The following PLEKHG3 variants were observed in gnomAD, a reference collection of about 807,000 sequenced individuals.
PLEKHG3 encodes pleckstrin homology and RhoGEF domain containing G3.
In PLEKHG3, 62 loss-of-function variants were observed where a neutral mutation model predicts 94.9. That is an observed-to-expected ratio of 0.65 (90% CI 0.53 to 0.81). The LOEUF is 0.81. Ranked by LOEUF, PLEKHG3 falls within the 30% of genes least tolerant of loss-of-function variation. The pLI, the probability that PLEKHG3 is intolerant of heterozygous loss-of-function variation, is 0.00. For synonymous variants in PLEKHG3, 614 were observed against 654.0 expected (o/e 0.94, Z 0.93); for missense variants, 1,461 against 1,619.3 (o/e 0.90, Z 1.68).
At position 64,723,542 on chromosome 14, in the gene PLEKHG3, C is replaced by T. The variant is rs1207270314; in HGVS notation, c.-39-4051C>T. 1.3e-5 allele frequency among the ~76,000 whole-genome samples: 2 copies of T among 152,020 alleles called. No homozygotes were observed. The highest frequency in any genetic ancestry group is 4.8e-5 in the African/African-American group (2 of 41,366). On this transcript the variant is annotated intron_variant, in intron 1 of 16. Transcript: ENST00000247226. This position sits in a 1 kb window ranked among gnomAD's most constrained non-coding sequence, Gnocchi z 4.5. Reference sequence around the variant, plus strand: ...TTGAGATGGAGTCTCATGCTGTCACCCAGGCTGGAGTACAGTGGCGCGATC... The same window carrying T: ...TTGAGATGGAGTCTCATGCTGTCACTCAGGCTGGAGTACAGTGGCGCGATC...
chr14:64,748,516 T>G lies in PLEKHG3; in HGVS notation c.*4813T>G, dbSNP rs949922581. 1 of 152,412 alleles carries G rather than the reference T, an allele frequency of 6.6e-6. No individual in the cohort carries two copies. The highest frequency in any genetic ancestry group is 2.4e-5 in the African/African-American group (1 of 41,462). 9.4% of individuals were successfully genotyped at this position (152,412 alleles called of 1,614,324 possible). ...GTTTTCAATGAGGAATGGTCTGACCTTGCTGCCCTTCCTGGGACCGCCTGT... is the reference window on the plus strand; with the variant it reads ...GTTTTCAATGAGGAATGGTCTGACCGTGCTGCCCTTCCTGGGACCGCCTGT... On this transcript the variant is annotated 3_prime_UTR_variant, in exon 17 of 17. Transcript: ENST00000247226.
In PLEKHG3 at chr14:64,747,702, G is replaced by A. The variant is rs1040384585; in HGVS notation, c.*3999G>A. The A allele has an allele frequency of 4.6e-5, 7 of 152,216 alleles. No individual in the cohort carries two copies. Among genetic ancestry groups the A allele is most frequent in the African/African-American group, 1.7e-4 (7 of 41,422 alleles). The allele number at this position is 152,216 out of a possible 1,614,324, so 9.4% of individuals were successfully genotyped here. On this transcript the variant is annotated 3_prime_UTR_variant, in exon 17 of 17. Coordinates refer to ENST00000247226, the MANE Select transcript of PLEKHG3 (RefSeq NM_001308147.2). ...TGAACCTCACCCACTTCATCTCCAT[G>A]GAACTAAGGTCCTTCTCACGGGGAA...
rs181833288 is a variant in PLEKHG3, at chr14:64,720,082, T to C, written c.-39-7511T>C. Reference sequence around the variant, plus strand: ...AACAAGAGCAATTTATAATAAACAATACTTGCCCCCATTTGGCTTTAGCAT... The same window carrying C: ...AACAAGAGCAATTTATAATAAACAACACTTGCCCCCATTTGGCTTTAGCAT... On this transcript the variant is annotated intron_variant, in intron 1 of 16. Transcript: ENST00000247226. This position sits in a 1 kb window ranked among gnomAD's most constrained non-coding sequence, Gnocchi z 4.1. Among the ~76,000 whole-genome samples the C allele has an allele frequency of 2.6e-5, 4 of 152,360 alleles. No homozygotes were observed. The East Asian group carries it at 7.7e-4, about 29-fold the overall frequency.
In PLEKHG3 at chr14:64,728,424, C is replaced by A. The variant is rs565300557; in HGVS notation, c.351+442C>A. Among the ~76,000 whole-genome samples the A allele has an allele frequency of 9.8e-5, 15 of 152,372 alleles. No individual in the cohort carries two copies. The highest frequency in any genetic ancestry group is 3.6e-4 in the African/African-American group (15 of 41,588). ...GTGTGGCTGCCACTGAGGAAGCCCT[C>A]TGCCCCACTGGCTCAGGGCGTGGAT... On this transcript the variant is annotated intron_variant, in intron 2 of 16. Transcript: ENST00000247226. The surrounding 1 kb of genome is among the most constrained non-coding windows in gnomAD (Gnocchi z 5.9).
chr14:64,708,249 C>A (rs1191445050), intron 1 of PLEKHG3, among the ~76,000 whole-genome samples: 3 of 152,310 alleles, frequency 2.0e-5, no homozygotes, highest in East Asian at 3.9e-4. Context: ...CCTGACCACC[C>A]CCCTCTTGCT....
In PLEKHG3 at chr14:64,749,324, G is replaced by A. The variant is rs1566729346; in HGVS notation, c.*5621G>A. The A allele has an allele frequency of 6.2e-7, 1 of 1,607,016 alleles. No individual in the cohort carries two copies. ...CCACCTGCTACTTCTTTTTGGGGAA[G>A]AAGCTGAATCTCTTCTCCTTGTCTT... On this transcript the variant is annotated 3_prime_UTR_variant, in exon 17 of 17. Transcript: ENST00000247226. This position sits in a 1 kb window ranked among gnomAD's most constrained non-coding sequence, Gnocchi z 4.7.
rs2081776623 is a variant in PLEKHG3 at position 64,744,003 on chromosome 14, A to G, written c.*300A>G. The G allele has an allele frequency of 8.1e-6, 2 of 246,490 alleles. No homozygotes were observed. Among genetic ancestry groups the G allele is most frequent in the Non-Finnish European group, 1.6e-5 (2 of 128,634 alleles). 15.3% of individuals were successfully genotyped at this position (246,490 alleles called of 1,614,324 possible). A position where few individuals can be genotyped will look rare whatever the true frequency, so the allele number is the denominator to read the frequency against. ...AAGCTCACTTCTTCCCAGAGAGAGG[A>G]AGCTCTGCTCAGGCCTCCAGCGTTG... On this transcript the variant is annotated 3_prime_UTR_variant, in exon 17 of 17. Coordinates refer to ENST00000247226, the MANE Select transcript of PLEKHG3 (RefSeq NM_001308147.2).
In PLEKHG3 at chr14:64,726,046, G is replaced by A. The variant is rs2139377320; in HGVS notation, c.-39-1547G>A. Among the ~76,000 whole-genome samples, 1 of 152,272 alleles carries A rather than the reference G, an allele frequency of 6.6e-6. No homozygotes were observed. The highest frequency in any genetic ancestry group is 6.5e-5 in the Admixed American group (1 of 15,298). The stretch of plus-strand genomic sequence containing the variant: ...CACAGAAAGAGTTCCCCAGGTTTGG[G>A]GGATATTGGAAGGTTCCTGGAGGGG... On this transcript the variant is annotated intron_variant, in intron 1 of 16. Transcript: ENST00000247226. The surrounding 1 kb of genome is among the most constrained non-coding windows in gnomAD (Gnocchi z 5.1).
intron 1 of PLEKHG3, among the ~76,000 whole-genome samples, chr14:64,707,808 G>A (rs1288327996): frequency 6.6e-6 from 1 of 152,230 alleles, no homozygotes; most frequent in Non-Finnish European, 1.5e-5. Flanking sequence ...TCCCTGGCTT[G>A]ACAGCTCACT....
chr14:64,721,522 G>A lies in PLEKHG3; in HGVS notation c.-39-6071G>A, dbSNP rs17767188. On this transcript the variant is annotated intron_variant, in intron 1 of 16. Coordinates refer to ENST00000247226, the MANE Select transcript of PLEKHG3 (RefSeq NM_001308147.2). The surrounding 1 kb of genome is among the most constrained non-coding windows in gnomAD (Gnocchi z 4.3). The stretch of plus-strand genomic sequence containing the variant: ...ATGGGCCCTGCTGCTCTTAGGTGGT[G>A]GGAAAATGCATTCCTGAGGGAAAAT... Among the ~76,000 whole-genome samples, 24,372 of 152,146 alleles carry A rather than the reference G, an allele frequency of 0.16. 2,099 individuals are homozygous for A. The highest frequency in any genetic ancestry group is 0.21 in the African/African-American group (8,851 of 41,484).
In PLEKHG3 at chr14:64,722,901, A is replaced by G. The variant is rs73273513; in HGVS notation, c.-39-4692A>G. Among the ~76,000 whole-genome samples, 24,462 of 152,212 alleles carry G rather than the reference A, an allele frequency of 0.16. 2,112 individuals carry two copies. The highest frequency in any genetic ancestry group is 0.22 in the African/African-American group (9,011 of 41,512). On this transcript the variant is annotated intron_variant, in intron 1 of 16. Transcript: ENST00000247226. This position sits in a 1 kb window ranked among gnomAD's most constrained non-coding sequence, Gnocchi z 4.3. ...AAGGCTCCCCGTAATCCTGTGGGAT[A>G]GGGGAGGAGCAGGGTCCCATTGCCT...
chr14:64,711,655 G>A (rs959917144), intron 1 of PLEKHG3, among the ~76,000 whole-genome samples: 8 of 152,066 alleles, frequency 5.3e-5, no homozygotes, highest in Admixed American at 2.0e-4. Context: ...CTTGTGATGC[G>A]CCTGCCTTGG....
rs775327411 is a variant in PLEKHG3, at chr14:64,741,657, C to T, written c.2140C>T (p.Arg714Trp). Residue 714 changes from arginine (R) to tryptophan (W), a missense_variant, in exon 16 of 17, where the codon CGG (arginine) becomes TGG (tryptophan). Arg to Trp is a moderately radical substitution (Grantham distance 101). This residue lies in a region of PLEKHG3 where 1,201 missense variants were observed against 1,295.5 expected (regional missense o/e 0.93). Transcript: ENST00000247226. ...KKESALSTRD[R>W]LLLDKIKSYY... is the part of the protein sequence containing the mutation. ...GGAATCAGCACTCTCCACCCGAGAC[C>T]GGCTGTTGCTAGACAAGATTAAGAG... 1.5e-5 allele frequency: 24 copies of T among 1,612,974 alleles called. No individual in the cohort carries two copies. Among genetic ancestry groups the T allele is most frequent in the Middle Eastern group, 1.6e-4 (1 of 6,062 alleles).
In PLEKHG3 at chr14:64,732,809, A is replaced by G. The variant is rs756407757; in HGVS notation, c.1253A>G (p.Asn418Ser). ...AILEMDSYYP[N>S]RYRCSPERLK... ...GTCTCTCTCCTGGGTGCAGATCCCA[A>G]TCGGTACCGCTGCAGCCCAGAGCGG... The change falls in exon 12 of 17, where the codon AAT (asparagine) becomes AGT (serine). Residue 418 changes from asparagine (N) to serine (S), a missense_variant. Transcript: ENST00000247226. This position sits in a 1 kb window ranked among gnomAD's most constrained non-coding sequence, Gnocchi z 4.9. 66 of 1,604,520 alleles carry G rather than the reference A, an allele frequency of 4.1e-5. No homozygotes were observed. Among genetic ancestry groups the G allele is most frequent in the Non-Finnish European group, 5.0e-5 (59 of 1,175,912 alleles).
rs2081652699 is a variant in PLEKHG3, at chr14:64,739,915, G to A, written c.1518+1060G>A. On this transcript the variant is annotated intron_variant, in intron 15 of 16. Transcript: ENST00000247226. This position sits in a 1 kb window ranked among gnomAD's most constrained non-coding sequence, Gnocchi z 4.1. ...TTTTAGAGATACACAGACATTCAGA[G>A]CAGAGCAAATTGGGGTGTCAAATAA... Among the ~76,000 whole-genome samples, 2 of 152,180 alleles carry A rather than the reference G, an allele frequency of 1.3e-5. No homozygotes were observed. Among genetic ancestry groups the A allele is most frequent in the Admixed American group, 1.3e-4 (2 of 15,276 alleles).
rs1019282162 is a variant in PLEKHG3 at position 64,717,121 on chromosome 14, G to C, written c.-39-10472G>C. Among the ~76,000 whole-genome samples the C allele has an allele frequency of 6.6e-6, 1 of 151,188 alleles. No individual in the cohort carries two copies. Among genetic ancestry groups the C allele is most frequent in the African/African-American group, 2.4e-5 (1 of 41,142 alleles). On this transcript the variant is annotated intron_variant, in intron 1 of 16. Transcript: ENST00000247226. This position sits in a 1 kb window ranked among gnomAD's most constrained non-coding sequence, Gnocchi z 4.7. ...CCTTTGGGAATTTACACGTGTGTGT[G>C]TGTGTGTGTGTGTGTGTGTGTGTGT...
At chr14:64,724,945 A>G (rs1226825008) in intron 1 of PLEKHG3, among the ~76,000 whole-genome samples, 2 of 152,236 alleles carry the variant, frequency 1.3e-5, no homozygotes, top group Admixed American at 1.3e-4. Context: ...AGGCACTTTA[A>G]TATATACAGA....
chr14:64,730,994 G>C lies in PLEKHG3; in HGVS notation c.718-44G>C. 6.2e-7 allele frequency: 1 copy of C among 1,613,792 alleles called. No individual in the cohort carries two copies. The highest frequency in any genetic ancestry group is 8.5e-7 in the Non-Finnish European group (1 of 1,180,006). On this transcript the variant is annotated intron_variant, in intron 6 of 16. Coordinates refer to ENST00000247226, the MANE Select transcript of PLEKHG3 (RefSeq NM_001308147.2). This position sits in a 1 kb window ranked among gnomAD's most constrained non-coding sequence, Gnocchi z 5.4. ...AAGCACCTAGGGCCTGGGGAGGGCA[G>C]GGCCTTCGGGTCAGGGGCACCTAAG...
chr14:64,745,764 G>A lies in PLEKHG3; in HGVS notation c.*2061G>A, dbSNP rs909269984. 6.6e-6 allele frequency: 1 copy of A among 152,272 alleles called. No individual in the cohort carries two copies. Among genetic ancestry groups the A allele is most frequent in the Non-Finnish European group, 1.5e-5 (1 of 68,080 alleles). The allele number at this position is 152,272 out of a possible 1,614,324, so 9.4% of individuals were successfully genotyped here. ...AGAACCCGACTGGGGCTCTTCAGAG[G>A]GTGGGGCCCAGGAAGTTGTAGTTAA... On this transcript the variant is annotated 3_prime_UTR_variant, in exon 17 of 17. Coordinates refer to ENST00000247226, the MANE Select transcript of PLEKHG3 (RefSeq NM_001308147.2). The surrounding 1 kb of genome is among the most constrained non-coding windows in gnomAD (Gnocchi z 5.0).
Sources: gnomAD v4.1 joint callset for allele counts (sites outside exome capture counted in the v4.1 genomes callset) on GRCh38, gnomAD v4.1.1 for gene constraint, gnomAD v4.1.1 regional missense constraint, Gnocchi (gnomAD v3.1) non-coding constraint, MANE v1.5 for transcripts, NCBI Gene and HGNC (gene_info 2026-07-23, HGNC 2026-07-21) for gene names.